Variants in FAT3 observed in about 807,000 individuals in gnomAD.
FAT3 encodes protocadherin Fat 3.
In FAT3, 95 loss-of-function variants were observed where a neutral mutation model predicts 310.2. The observed-to-expected ratio is 0.31, with a 90% CI of 0.26 to 0.36. The LOEUF is 0.36. Ranked by LOEUF, FAT3 falls within the 10% of genes least tolerant of loss-of-function variation. The pLI, the probability that FAT3 is intolerant of heterozygous loss-of-function variation, is 1.00. For synonymous variants in FAT3, 2,314 were observed against 2,192.9 expected (o/e 1.06, Z -1.54); for missense variants, 5,408 against 5,715.6 (o/e 0.95, Z 1.74).
chr11:92,365,794 A>G (rs1949003956), intron 2 of FAT3, among the ~76,000 whole-genome samples: 1 of 152,192 alleles, frequency 6.6e-6, no homozygotes, highest in Non-Finnish European at 1.5e-5. Flanking sequence ...AGGCACTCCT[A>G]CCCCTCATAG....
intron 20 of FAT3, among the ~76,000 whole-genome samples, chr11:92,858,207 T>C (rs1319844673): frequency 6.6e-6 from 1 of 152,204 alleles, no homozygotes; most frequent in Admixed American, 6.5e-5. Context: ...CCAAAGCTCC[T>C]TCATAGCTGA....
chr11:92,685,373 A>C (rs2135870985), intron 3 of FAT3, among the ~76,000 whole-genome samples: 1 of 152,198 alleles, frequency 6.6e-6, no homozygotes, highest in East Asian at 1.9e-4. Flanking sequence ...GTAACATTTT[A>C]TGTTAAAAAC....
intron 3 of FAT3, among the ~76,000 whole-genome samples, chr11:92,678,303 T>A (rs1488281260): frequency 4.6e-5 from 7 of 152,200 alleles, no homozygotes; most frequent in Admixed American, 4.6e-4. Flanking sequence ...ATTTTTCATC[T>A]GGGAGGCAGT....
At chr11:92,244,740 A>G (rs563830947) in intron 1 of FAT3, among the ~76,000 whole-genome samples, 26 of 152,224 alleles carry the variant, frequency 1.7e-4, no homozygotes, top group Admixed American at 5.9e-4. Context: ...TAAAAATTGT[A>G]TATCACATTG....
At chr11:92,888,707 A>T (rs1336005549) in intron 25 of FAT3, among the ~76,000 whole-genome samples, 3 of 152,218 alleles carry the variant, frequency 2.0e-5, no homozygotes, top group Non-Finnish European at 2.9e-5. Context: ...CAGTGGCATT[A>T]TGTGACCGTG....
In FAT3 at chr11:92,644,374, G is replaced by A. The variant is rs1355319479; in HGVS notation, c.3608-53010G>A. 1.3e-5 allele frequency among the ~76,000 whole-genome samples: 2 copies of A among 152,122 alleles called. 1 individual carries two copies. Among genetic ancestry groups the A allele is most frequent in the Admixed American group, 1.3e-4 (2 of 15,282 alleles). On this transcript the variant is annotated intron_variant, in intron 3 of 27. Transcript: ENST00000525166. ...ATAATGCTAAATTTTGAGATGTCAA[G>A]CCAACATCCTGAATATTCCTGACTT...
At chr11:92,889,925 T>C (rs1949878721) in intron 27 of FAT3, 34 bp downstream of exon 27, 1 of 717,774 alleles carries the variant, frequency 1.4e-6, no homozygotes, top group African/African-American at 1.7e-5. Context: ...TAACTTTTTG[T>C]GTGTTTGTTT....
At chr11:92,730,995 C>T (rs981509581) in intron 4 of FAT3, among the ~76,000 whole-genome samples, 6 of 152,078 alleles carry the variant, frequency 3.9e-5, no homozygotes, top group African/African-American at 1.2e-4. Flanking sequence ...AAGTCAAATT[C>T]GGTTTTGTGT....
In FAT3 at chr11:92,882,593, C is replaced by CG. The variant is rs1949696660; in HGVS notation, c.12282-145_12282-144insG. 1.0e-5 allele frequency: 6 copies of CG among 572,438 alleles called. 1 individual carries two copies. Among genetic ancestry groups the CG allele is most frequent in the African/African-American group, 8.6e-5 (4 of 46,544 alleles). The allele number at this position is 572,438 out of a possible 1,614,324, so 35.5% of individuals were successfully genotyped here. A position where few individuals can be genotyped will look rare whatever the true frequency, so the allele number is the denominator to read the frequency against. ...CCTAAATTAACTCCCCCTCCCCCCC[C>CG]CCACCAACCATCTTTGTCCTGCTTC... is the stretch of plus-strand genomic sequence containing the variant. On this transcript the variant is annotated intron_variant, in intron 23 of 27. Transcript: ENST00000525166.
intron 1 of FAT3, among the ~76,000 whole-genome samples, chr11:92,240,515 T>A (rs1174325993): frequency 1.3e-5 from 2 of 151,280 alleles, no homozygotes; most frequent in Non-Finnish European, 2.9e-5. Flanking sequence ...CCACTCTCCC[T>A]TAGTAGTAAC....
intron 1 of FAT3, among the ~76,000 whole-genome samples, chr11:92,332,483 G>A (rs1385694647): frequency 1.3e-5 from 2 of 152,118 alleles, no homozygotes; most frequent in East Asian, 3.9e-4. Context: ...TTTTGTTGTT[G>A]TTGTTCTGTT....
intron 4 of FAT3, among the ~76,000 whole-genome samples, chr11:92,757,939 T>A (rs570200025): frequency 6.6e-6 from 1 of 152,302 alleles, no homozygotes; most frequent in East Asian, 1.9e-4. Flanking sequence ...ATTGGTAGTG[T>A]TCTCAGTTAT....
At chr11:92,693,846 A>G (rs1364511184) in intron 3 of FAT3, among the ~76,000 whole-genome samples, 2 of 152,162 alleles carry the variant, frequency 1.3e-5, no homozygotes, top group Non-Finnish European at 2.9e-5. Context: ...CAATGTTTCC[A>G]TGTTCCAGAT....
intron 1 of FAT3, among the ~76,000 whole-genome samples, chr11:92,315,633 C>T (rs138348888): frequency 6.6e-6 from 1 of 151,008 alleles, no homozygotes; most frequent in Non-Finnish European, 1.5e-5. Flanking sequence ...AAGTGATCCT[C>T]CCGCCTCAGC....
At chr11:92,280,447 T>C (rs1156612105) in intron 1 of FAT3, among the ~76,000 whole-genome samples, 1 of 152,194 alleles carries the variant, frequency 6.6e-6, no homozygotes, top group Non-Finnish European at 1.5e-5. Flanking sequence ...GGAATGAAAA[T>C]GTTGAAAACA....
At chr11:92,315,479 GTATATATATATATATA>G (rs1168085335) in intron 1 of FAT3, among the ~76,000 whole-genome samples, 1 of 65,188 alleles carries the variant, frequency 1.5e-5, no homozygotes, top group Non-Finnish European at 3.0e-5. Context: ...GTGTGTGTGT[GTATATATATATATATA>G]TATATATATA....
chr11:92,672,331 C>T (rs1166556292), intron 3 of FAT3, among the ~76,000 whole-genome samples: 1 of 152,182 alleles, frequency 6.6e-6, no homozygotes, highest in African/African-American at 2.4e-5. Context: ...ACATGCTCTG[C>T]AGCCTGCCCA....
chr11:92,735,322 A>G (rs1409969136), intron 4 of FAT3, among the ~76,000 whole-genome samples: 1 of 152,158 alleles, frequency 6.6e-6, no homozygotes, highest in Non-Finnish European at 1.5e-5. Context: ...AGTTCACATA[A>G]GGGTCTTTCC....
intron 2 of FAT3, among the ~76,000 whole-genome samples, chr11:92,414,353 A>C (rs1010040371): frequency 6.6e-6 from 1 of 152,166 alleles, no homozygotes; most frequent in Non-Finnish European, 1.5e-5. Context: ...TTAAAAAGAG[A>C]ACTAGAAAAA....
Sources: allele counts gnomAD v4.1 joint callset (sites outside exome capture counted in the v4.1 genomes callset), GRCh38; gene constraint gnomAD v4.1.1; transcripts MANE v1.5; gene names NCBI Gene and HGNC (gene_info 2026-07-23, HGNC 2026-07-21).